The following LIPH variants were observed in gnomAD, a reference collection of about 807,000 sequenced individuals.
The protein encoded by LIPH is lipase H.
In LIPH, 32 loss-of-function variants were observed where a neutral mutation model predicts 47.6. That is an observed-to-expected ratio of 0.67 (90% CI 0.51 to 0.90). The LOEUF is 0.90. LIPH is among the 40% of genes least tolerant of loss of function. The pLI, the probability that LIPH is intolerant of heterozygous loss-of-function variation, is 0.00. For missense variants in LIPH, 497 were observed against 541.4 expected (o/e 0.92, Z 0.81); for synonymous variants, 190 against 195.6 (o/e 0.97, Z 0.24).
At chr3:185,517,018 C>T (rs1719746995) in intron 7 of LIPH, 49 bp downstream of exon 7, 1 of 1,196,886 alleles carries the variant, frequency 8.4e-7, no homozygotes, top group Non-Finnish European at 1.3e-6. Context: ...ACTCAGCCAT[C>T]CCCAAAATGA....
intron 5 of LIPH, among the ~76,000 whole-genome samples, chr3:185,522,337 C>G (rs564365192): frequency 2.2e-4 from 34 of 152,238 alleles, no homozygotes; most frequent in African/African-American, 6.5e-4. Flanking sequence ...CCGTAAGGGT[C>G]ATTCTCAGGG....
chr3:185,521,985 G>A (rs1719908578), intron 5 of LIPH, among the ~76,000 whole-genome samples: 1 of 152,128 alleles, frequency 6.6e-6, no homozygotes, highest in Non-Finnish European at 1.5e-5. Flanking sequence ...TTTAAAACCA[G>A]TAATGTATAT....
chr3:185,532,036 C>T lies in LIPH; in HGVS notation c.526+1535G>A, dbSNP rs145585121. On this transcript the variant is annotated intron_variant, in intron 3 of 9. Transcript: ENST00000296252. The stretch of plus-strand genomic sequence containing the variant: ...CTTTTTCTTATTGCTCTAAGATCAC[C>T]AGAAAAATGTTCAGATAAGAATCCT... 3.5e-4 allele frequency among the ~76,000 whole-genome samples: 53 copies of T among 152,122 alleles called. No homozygotes were observed. In the East Asian group the frequency reaches 0.01, roughly 29 times the overall value.
intron 5 of LIPH, among the ~76,000 whole-genome samples, chr3:185,520,994 C>G (rs889018659): frequency 2.0e-5 from 3 of 151,824 alleles, no homozygotes; most frequent in East Asian, 1.9e-4. Context: ...CTCAGCCTCC[C>G]GAGTAGGTGA....
In LIPH at chr3:185,517,763, T is replaced by C. The variant is rs149452145; in HGVS notation, c.887-601A>G. ...GCATCAGTATTGTGTTAAAACTCCT[T>C]AGGTGATTCTAAAGCACAATCAAGG... On this transcript the variant is annotated intron_variant, in intron 6 of 9. Transcript: ENST00000296252. Among the ~76,000 whole-genome samples the C allele has an allele frequency of 1.2e-3, 179 of 152,306 alleles. 1 individual carries two copies. The highest frequency in any genetic ancestry group is 3.9e-3 in the African/African-American group (162 of 41,556).
chr3:185,542,993 G>A, intron 1 of LIPH, among the ~76,000 whole-genome samples: 1 of 152,094 alleles, frequency 6.6e-6, no homozygotes, highest in East Asian at 1.9e-4. Context: ...AGATCACTTT[G>A]AGGTCAGGAG....
intron 4 of LIPH, 132 bp downstream of exon 4, chr3:185,527,351 AT>A: frequency 1.3e-6 from 1 of 761,740 alleles, no homozygotes; most frequent in East Asian, 2.5e-5. Flanking sequence ...ATTTCGGTGG[AT>A]TTGGAACCCT....
At chr3:185,549,442 T>C (rs562629444) in intron 1 of LIPH, among the ~76,000 whole-genome samples, 1 of 152,224 alleles carries the variant, frequency 6.6e-6, no homozygotes, top group African/African-American at 2.4e-5. Flanking sequence ...AGGAAATAAT[T>C]CTGGTTTTGG....
intron 1 of LIPH, among the ~76,000 whole-genome samples, chr3:185,538,187 T>C (rs1166358177): frequency 6.6e-6 from 1 of 152,188 alleles, no homozygotes; most frequent in Non-Finnish European, 1.5e-5. Flanking sequence ...TTGAGTGAAA[T>C]AGATTTCCTT....
At chr3:185,511,441 A>G (rs1560154426) in intron 9 of LIPH, 83 bp downstream of exon 9, 1 of 1,233,074 alleles carries the variant, frequency 8.1e-7, no homozygotes, top group Admixed American at 1.7e-5. Context: ...GAGTCTTATT[A>G]ACACATCAGA....
At chr3:185,545,660 C>T (rs1002307510) in intron 1 of LIPH, among the ~76,000 whole-genome samples, 6 of 151,762 alleles carry the variant, frequency 4.0e-5, no homozygotes, top group African/African-American at 4.8e-5. Flanking sequence ...GGTCCCTTGA[C>T]GTGAGGAGTG....
At chr3:185,512,607 G>A (rs1167452587) in intron 8 of LIPH, among the ~76,000 whole-genome samples, 1 of 150,578 alleles carries the variant, frequency 6.6e-6, no homozygotes, top group Non-Finnish European at 1.5e-5. Context: ...TCCTGCCTCA[G>A]CCTCGCGAGT....
intron 3 of LIPH, among the ~76,000 whole-genome samples, chr3:185,529,326 A>T (rs1365794863): frequency 6.6e-6 from 1 of 150,422 alleles, no homozygotes; most frequent in African/African-American, 2.4e-5. Flanking sequence ...TTGTCTATGA[A>T]TGTCATTTTA....
chr3:185,552,476 A>C lies in LIPH; in HGVS notation c.-5T>G, dbSNP rs1433873153. ...GAATAAGTAGAATCTCAACATATGG[A>C]AACTGGAGAGATCGTGTGTCACATT... On this transcript the variant is annotated 5_prime_UTR_variant, in exon 1 of 10. Transcript: ENST00000296252. 4 of 1,591,932 alleles carry C rather than the reference A, an allele frequency of 2.5e-6. No homozygotes were observed. Among genetic ancestry groups the C allele is most frequent in the Non-Finnish European group, 3.4e-6 (4 of 1,159,868 alleles).
intron 8 of LIPH, 73 bp from the exon 9 acceptor site, chr3:185,511,770 G>A (rs1298124879): frequency 9.9e-7 from 1 of 1,014,246 alleles, no homozygotes; most frequent in African/African-American, 1.6e-5. Context: ...AAGCCTGCAA[G>A]TCACTGGTAA....
chr3:185,540,940 G>A (rs1577687388), intron 1 of LIPH, among the ~76,000 whole-genome samples: 1 of 152,250 alleles, frequency 6.6e-6, no homozygotes, highest in East Asian at 1.9e-4. Context: ...TCTGCCATGT[G>A]TTCTGCTGCT....
At chr3:185,521,163 C>T (rs1034073622) in intron 5 of LIPH, among the ~76,000 whole-genome samples, 3 of 152,104 alleles carry the variant, frequency 2.0e-5, no homozygotes, top group South Asian at 4.1e-4. Context: ...CCACCATACC[C>T]GACTGAGTAC....
At chr3:185,518,591 C>G (rs1186877516) in intron 6 of LIPH, among the ~76,000 whole-genome samples, 1 of 151,620 alleles carries the variant, frequency 6.6e-6, no homozygotes, top group Middle Eastern at 3.2e-3. Context: ...ACATTGCTTT[C>G]TAACACTGTT....
intron 8 of LIPH, among the ~76,000 whole-genome samples, chr3:185,512,043 A>G (rs1448093553): frequency 6.6e-6 from 1 of 152,118 alleles, no homozygotes; most frequent in Non-Finnish European, 1.5e-5. Flanking sequence ...TCCCCAGAAC[A>G]TTCCGCAAGG....
Sources: gnomAD v4.1 joint callset for allele counts (sites outside exome capture counted in the v4.1 genomes callset) on GRCh38, gnomAD v4.1.1 for gene constraint, MANE v1.5 for transcripts, NCBI Gene and HGNC (gene_info 2026-07-23, HGNC 2026-07-21) for gene names.